LZTR1: variants seen among roughly 807,000 people sequenced by gnomAD.
LZTR1 encodes the protein leucine-zipper-like transcriptional regulator 1.
A neutral mutation model predicts 105.7 loss-of-function variants in LZTR1; 260 were observed. The observed-to-expected ratio is 2.46, with a 90% CI of 2.22 to 2.72. The LOEUF (loss-of-function observed/expected upper bound fraction) is 2.72, where lower values mean the gene tolerates loss of function less well. Among genes scored for constraint, LZTR1 ranks in the 30% most tolerant of loss-of-function variants. LZTR1 has a pLI of 0.00. For synonymous variants in LZTR1, 490 were observed against 476.4 expected (o/e 1.03, Z -0.37); for missense variants, 1,214 against 1,166.9 (o/e 1.04, Z -0.59).
At chr22:20,987,956 G>A (rs1924455307) in intron 4 of LZTR1, 54 bp from the exon 5 acceptor site, 2 of 1,104,826 alleles carry the variant, frequency 1.8e-6, no homozygotes, top group Non-Finnish European at 2.7e-6. Context: ...TCCAGGGTTT[G>A]AAATCTCCAA....
At chr22:20,990,695 C>A in intron 8 of LZTR1, 170 bp downstream of exon 8, 1 of 679,728 alleles carries the variant, frequency 1.5e-6, no homozygotes, top group Non-Finnish European at 2.4e-6. Context: ...CCTGGCAGGT[C>A]CCCAGGATAT....
Position 20,988,069 on chromosome 22 carries a change from G to C in LZTR1, c.460G>C (p.Glu154Gln), listed in dbSNP as rs1210692102. ...SNLKNKNDLF[E>Q]YKFATGQWTE... ...CTTGAAGAATAAAAACGACCTCTTTGAATACAAGTTTGCAACTGGCCAGTG... is the reference window on the plus strand; with the variant it reads ...CTTGAAGAATAAAAACGACCTCTTTCAATACAAGTTTGCAACTGGCCAGTG... Residue 154 changes from glutamate to glutamine, a missense_variant, in exon 5 of 21, where the codon GAA (glutamate) becomes CAA (glutamine). Glu to Gln is a conservative substitution (Grantham distance 29). Transcript: ENST00000646124. 2.5e-6 allele frequency: 4 copies of C among 1,613,746 alleles called. No homozygotes were observed. The highest frequency in any genetic ancestry group is 3.4e-6 in the Non-Finnish European group (4 of 1,179,648).
In LZTR1 at chr22:20,995,974, C is replaced by A; in HGVS notation, c.2081C>A (p.Ala694Asp). 3 of 1,613,762 alleles carry A rather than the reference C, an allele frequency of 1.9e-6. No individual in the cohort carries two copies. The highest frequency in any genetic ancestry group is 2.2e-5 in the East Asian group (1 of 44,874). Residue 694 changes from alanine to aspartate, a missense_variant, in exon 18 of 21, where the codon GCC becomes GAC. Physicochemically the swap from Ala to Asp is moderately radical, Grantham distance 126. Coordinates refer to ENST00000646124, the MANE Select transcript of LZTR1 (RefSeq NM_006767.4). ...ILAARSSYFE[A>D]MFRSFMPEDG... ...CTCGTTGTCTGCAGCTACTTTGAAG[C>A]CATGTTCCGGTCCTTCATGCCCGAA... is the stretch of plus-strand genomic sequence containing the variant.
intron 3 of LZTR1, chr22:20,986,488 A>C (rs527978311): frequency 6.5e-6 from 1 of 152,728 alleles, no homozygotes; most frequent in Admixed American, 6.5e-5. Context: ...TTAGACAGAT[A>C]GATGACAGAT....
At position 20,987,559 on chromosome 22, in the gene LZTR1, T is replaced by C; in HGVS notation, c.376T>C (p.Tyr126His). The change falls in exon 4 of 21, where the codon TAT (tyrosine) becomes CAT (histidine). Residue 126 changes from tyrosine to histidine, a missense_variant. Transcript: ENST00000646124. ...APRYHHSAVV[Y>H]GSSMFVFGGY... ...CCGTTACCACCACTCGGCCGTCGTC[T>C]ATGGGAGCAGCATGTTTGTCTTTGG... 3 of 1,614,100 alleles carry C rather than the reference T, an allele frequency of 1.9e-6. No individual in the cohort carries two copies. The highest frequency in any genetic ancestry group is 2.5e-6 in the Non-Finnish European group (3 of 1,180,014).
intron 3 of LZTR1, 140 bp downstream of exon 3, chr22:20,986,037 G>A: frequency 1.2e-6 from 1 of 844,528 alleles, no homozygotes; most frequent in Admixed American, 2.3e-5. Flanking sequence ...CACGGCCTCA[G>A]GGATGCCACA....
chr22:20,989,864 C>T (rs553922928), intron 7 of LZTR1, among the ~76,000 whole-genome samples, 182 bp downstream of exon 7: 2 of 152,250 alleles, frequency 1.3e-5, no homozygotes, highest in East Asian at 3.9e-4. Flanking sequence ...CAGCCTCGAC[C>T]TGAGCCTCGC....
At chr22:20,996,841 T>C (rs765522581) in intron 19 of LZTR1, 40 bp downstream of exon 19, 1 of 1,612,496 alleles carries the variant, frequency 6.2e-7, no homozygotes, top group Non-Finnish European at 8.5e-7. Flanking sequence ...CAGCTCCCAC[T>C]GAGTGGGTGA....
chr22:20,982,307 C>T lies in LZTR1; in HGVS notation c.-65C>T, dbSNP rs1924217885. 1.5e-6 allele frequency: 2 copies of T among 1,315,698 alleles called. No homozygotes were observed. The highest frequency in any genetic ancestry group is 1.5e-5 in the African/African-American group (1 of 67,660). 81.5% of individuals were successfully genotyped at this position (1,315,698 alleles called of 1,614,324 possible). A position where few individuals can be genotyped will look rare whatever the true frequency, so the allele number is the denominator to read the frequency against. Reference sequence around the variant, plus strand: ...GGCTCGCCGGGAAATGTGGTTTCTCCAGCCGGCCCGGGGCGGTGGCCGCAA... The same window carrying T: ...GGCTCGCCGGGAAATGTGGTTTCTCTAGCCGGCCCGGGGCGGTGGCCGCAA... On this transcript the variant is annotated 5_prime_UTR_variant, in exon 1 of 21. Coordinates refer to ENST00000646124, the MANE Select transcript of LZTR1 (RefSeq NM_006767.4).
At chr22:20,994,416 C>A in intron 14 of LZTR1, 142 bp from the exon 15 acceptor site, 3 of 1,241,500 alleles carry the variant, frequency 2.4e-6, no homozygotes, top group Non-Finnish European at 3.4e-6. Flanking sequence ...ATGATCACTG[C>A]AGCTGGACGC....
chr22:20,988,799 G>A lies in LZTR1; in HGVS notation c.520G>A (p.Ala174Thr), dbSNP rs776327053. The A allele has an allele frequency of 6.2e-7, 1 of 1,613,808 alleles. No homozygotes were observed. Among genetic ancestry groups the A allele is most frequent in the African/African-American group, 1.3e-5 (1 of 74,922 alleles). The change falls in exon 6 of 21, where the codon GCT becomes ACT. Residue 174 changes from alanine (A) to threonine (T), a missense_variant. Transcript: ENST00000646124. ...EWKIEGRLPV[A>T]RSAHGATVYS... is the part of the protein sequence containing the mutation. ...TCCCTCACACTCCAGGTTGCCAGTC[G>A]CTAGGTCAGCCCATGGGGCCACGGT...
At chr22:20,994,826 C>A in intron 15 of LZTR1, 44 bp from the exon 16 acceptor site, 1 of 1,610,868 alleles carries the variant, frequency 6.2e-7, no homozygotes, top group Non-Finnish European at 8.5e-7. Flanking sequence ...CAGCCTGGGG[C>A]CCTGGCTTGA....
chr22:20,988,724 G>T, intron 5 of LZTR1, 65 bp from the exon 6 acceptor site: 1 of 1,221,186 alleles, frequency 8.2e-7, no homozygotes, highest in Non-Finnish European at 1.2e-6. Flanking sequence ...CTGACCACAT[G>T]GGGCTGGGTG....
At chr22:20,982,941 C>T (rs182249721) in intron 1 of LZTR1, 86 bp from the exon 2 acceptor site, 4 of 1,089,700 alleles carry the variant, frequency 3.7e-6, no homozygotes, top group African/African-American at 3.1e-5. Flanking sequence ...ACCTAACTTC[C>T]GTGGCAGCTC....
chr22:20,993,252 T>G, intron 11 of LZTR1: 2 of 411,040 alleles, frequency 4.9e-6, no homozygotes, highest in African/African-American at 4.0e-5. Context: ...TTCCCAGGCC[T>G]GGAGGAGCAG....
In LZTR1 at chr22:20,994,235, C is replaced by T; in HGVS notation, c.1581C>T (p.Phe527=). ...GGCCCTTCGAGGTGCTCATGCAGTT[C>T]CTCTACACCGACAAGATCAAATACC... is the stretch of plus-strand genomic sequence containing the variant. ...EARPFEVLMQ[F]LYTDKIKYPR... is the part of the protein sequence containing the mutation. The change falls in exon 14 of 21, where the codon TTC becomes TTT. Residue 527 remains phenylalanine, a synonymous_variant. Coordinates refer to ENST00000646124, the MANE Select transcript of LZTR1 (RefSeq NM_006767.4). 1.3e-6 allele frequency: 2 copies of T among 1,599,814 alleles called. No homozygotes were observed. Among genetic ancestry groups the T allele is most frequent in the Non-Finnish European group, 1.7e-6 (2 of 1,179,582 alleles).
At position 20,991,618 on chromosome 22, in the gene LZTR1, G is replaced by A; in HGVS notation, c.792-10G>A. 6.4e-7 allele frequency: 1 copy of A among 1,568,524 alleles called. No homozygotes were observed. Among genetic ancestry groups the A allele is most frequent in the South Asian group, 1.2e-5 (1 of 86,704 alleles). ...TGTCCCAGCATTGATTCACTGTTGTGTACCCCCAGGTGGACACGCATCCCA... is the reference window on the plus strand; with the variant it reads ...TGTCCCAGCATTGATTCACTGTTGTATACCCCCAGGTGGACACGCATCCCA... On this transcript the variant is annotated splice_polypyrimidine_tract_variant and intron_variant, in intron 8 of 20. Transcript: ENST00000646124.
chr22:20,989,299 C>T (rs1483149637), intron 6 of LZTR1, among the ~76,000 whole-genome samples: 1 of 152,248 alleles, frequency 6.6e-6, no homozygotes, highest in Admixed American at 6.5e-5. Flanking sequence ...ATAGAAACTC[C>T]TAACGATGCA....
In LZTR1 at chr22:20,997,222, T is replaced by C; in HGVS notation, c.2407-10T>C. 1 of 1,588,826 alleles carries C rather than the reference T, an allele frequency of 6.3e-7. No individual in the cohort carries two copies. Among genetic ancestry groups the C allele is most frequent in the South Asian group, 1.1e-5 (1 of 90,580 alleles). ...TGGTCCCATCTCCTTCCGGCCTGCT[T>C]GCCTTACAGGTCTCCAAGTTGCCCA... On this transcript the variant is annotated splice_polypyrimidine_tract_variant and intron_variant, in intron 20 of 20. Coordinates refer to ENST00000646124, the MANE Select transcript of LZTR1 (RefSeq NM_006767.4).
Sources: gnomAD v4.1 joint callset for allele counts (sites outside exome capture counted in the v4.1 genomes callset) on GRCh38, gnomAD v4.1.1 for gene constraint, MANE v1.5 for transcripts, NCBI Gene and HGNC (gene_info 2026-07-23, HGNC 2026-07-21) for gene names.